The following AARS1 variants were observed in gnomAD, a reference collection of about 807,000 sequenced individuals.
AARS1 encodes alanine--tRNA ligase, cytoplasmic.
AARS1 carries 72 observed loss-of-function variants against 108.9 expected under a neutral mutation model. That is an observed-to-expected ratio of 0.66 (90% confidence interval 0.55 to 0.80). The LOEUF is 0.80. Among genes scored for constraint, AARS1 ranks in the 30% least tolerant of loss-of-function variants. The pLI, the probability that AARS1 is intolerant of heterozygous loss-of-function variation, is 0.00. For synonymous variants in AARS1, 489 were observed against 465.7 expected (o/e 1.05, Z -0.64); for missense variants, 1,193 against 1,233.2 (o/e 0.97, Z 0.49).
intron 1 of AARS1, among the ~76,000 whole-genome samples, chr16:70,287,550 C>A (rs888032460): frequency 1.3e-5 from 2 of 151,368 alleles, no homozygotes; most frequent in Non-Finnish European, 2.9e-5. Flanking sequence ...CCAGCCTGGG[C>A]AACATGGGAA....
rs868720668 is a variant in AARS1, at chr16:70,252,350, C to G, written c.*371G>C. 38 of 355,510 alleles carry G rather than the reference C, an allele frequency of 1.1e-4. No homozygotes were observed. The highest frequency in any genetic ancestry group is 1.9e-4 in the Non-Finnish European group (36 of 191,172). The allele number at this position is 355,510 out of a possible 1,614,324, so 22.0% of individuals were successfully genotyped here. On this transcript the variant is annotated 3_prime_UTR_variant, in exon 21 of 21. Transcript: ENST00000261772. Reference sequence around the variant, plus strand: ...CGCCAAAGGCTGTCAAAAGAGCCAGCCCCTATTGGGAAGAGGGATAGAGAT... The same window carrying G: ...CGCCAAAGGCTGTCAAAAGAGCCAGGCCCTATTGGGAAGAGGGATAGAGAT...
At chr16:70,269,001 G>C (rs748579040) in intron 7 of AARS1, among the ~76,000 whole-genome samples, 2 of 152,130 alleles carry the variant, frequency 1.3e-5, no homozygotes, top group African/African-American at 4.8e-5. Context: ...GAGGTCAGGA[G>C]TTCGAGACCA....
At position 70,262,523 on chromosome 16, in the gene AARS1, T is replaced by C. The variant is rs535856901; in HGVS notation, c.1494A>G (p.Val498=). Residue 498 remains valine (V), a splice_region_variant and synonymous_variant, in exon 12 of 21, where the codon GTA becomes GTG. Transcript: ENST00000261772. The part of the protein sequence containing the change: ...NYHLDSSGSY[V]FENTVATVMA... ...TCACCGTAGCCACTGTGTTCTCAAA[T>C]ACTGCTCAAGGGAAATGCATAGAAA... 8.1e-6 allele frequency: 13 copies of C among 1,610,922 alleles called. No homozygotes were observed. The highest frequency in any genetic ancestry group is 4.4e-5 in the South Asian group (4 of 91,010).
chr16:70,269,900 G>T, intron 6 of AARS1, 137 bp from the exon 7 acceptor site: 1 of 1,186,780 alleles, frequency 8.4e-7, no homozygotes, highest in Non-Finnish European at 1.2e-6. Flanking sequence ...CCCCAAGAAC[G>T]TGACATTGGG....
At chr16:70,264,935 G>A in intron 11 of AARS1, 23 bp downstream of exon 11, 1 of 1,614,018 alleles carries the variant, frequency 6.2e-7, no homozygotes, top group South Asian at 1.1e-5. Context: ...ATGCTCAGAT[G>A]TGGAAGGAGC....
chr16:70,279,319 C>T (rs1960632337), intron 2 of AARS1, among the ~76,000 whole-genome samples: 1 of 131,802 alleles, frequency 7.6e-6, no homozygotes, highest in South Asian at 2.6e-4. Flanking sequence ...TCACTGAATT[C>T]CAGCTGGGGT....
Position 70,289,497 on chromosome 16 carries a change from G to A in AARS1, c.-98C>T, listed in dbSNP as rs977713358. ...GCCCGCTGCACCTATTCCCGCAGAC[G>A]CGCAGCTGTACCGGCCTCAGACCAC... On this transcript the variant is annotated 5_prime_UTR_variant, in exon 1 of 21. Transcript: ENST00000261772. 35 of 446,714 alleles carry A rather than the reference G, an allele frequency of 7.8e-5. No individual in the cohort carries two copies. Among genetic ancestry groups the A allele is most frequent in the Non-Finnish European group, 1.4e-5 (3 of 221,344 alleles). The allele number at this position is 446,714 out of a possible 1,614,324, so 27.7% of individuals were successfully genotyped here.
At chr16:70,266,923 G>A (rs1277013772) in intron 9 of AARS1, among the ~76,000 whole-genome samples, 4 of 151,918 alleles carry the variant, frequency 2.6e-5, no homozygotes, top group Non-Finnish European at 4.4e-5. Context: ...TGCAACCTCC[G>A]CCTCCCCGGT....
intron 12 of AARS1, 107 bp downstream of exon 12, chr16:70,262,239 A>T: frequency 1.5e-6 from 2 of 1,353,776 alleles, no homozygotes; most frequent in Non-Finnish European, 2.1e-6. Flanking sequence ...CCCAACCCAA[A>T]GGTGTGTCAG....
chr16:70,277,233 A>T, intron 2 of AARS1, 79 bp from the exon 3 acceptor site: 1 of 1,357,978 alleles, frequency 7.4e-7, no homozygotes, highest in Non-Finnish European at 1.1e-6. Flanking sequence ...GGAAGAGACG[A>T]CCACACACTA....
intron 4 of AARS1, among the ~76,000 whole-genome samples, chr16:70,273,546 T>A (rs1358569055): frequency 1.3e-5 from 2 of 151,952 alleles, no homozygotes; most frequent in African/African-American, 4.8e-5. Context: ...AGCAAAACCC[T>A]GTCCCTACAA....
chr16:70,269,579 G>A (rs1489384298), intron 7 of AARS1, 39 bp downstream of exon 7: 5 of 1,611,366 alleles, frequency 3.1e-6, no homozygotes, highest in Non-Finnish European at 4.2e-6. Flanking sequence ...AGCACACGTG[G>A]TGCCGCTCCA....
chr16:70,264,857 G>A (rs763095857), intron 11 of AARS1, 101 bp downstream of exon 11: 23 of 1,463,656 alleles, frequency 1.6e-5, no homozygotes, highest in Admixed American at 5.4e-5. Flanking sequence ...AGGAGAGGCT[G>A]TCAGCAGTCT....
chr16:70,272,020 T>C (rs1345844259), intron 4 of AARS1, 48 bp from the exon 5 acceptor site: 5 of 1,584,992 alleles, frequency 3.2e-6, no homozygotes, highest in Admixed American at 1.7e-5. Flanking sequence ...TGACAAGAGT[T>C]CTGCCCAGAC....
Position 70,252,767 on chromosome 16 carries a change from A to T in AARS1, c.2861T>A (p.Leu954Gln). 6.2e-7 allele frequency: 1 copy of T among 1,614,188 alleles called. No individual in the cohort carries two copies. Among genetic ancestry groups the T allele is most frequent in the Non-Finnish European group, 8.5e-7 (1 of 1,180,036 alleles). The change falls in exon 21 of 21, where the codon CTG becomes CAG. Residue 954 changes from leucine to glutamine, a missense_variant. By Grantham distance (113) the Leu-to-Gln change is moderately radical. Coordinates refer to ENST00000261772, the MANE Select transcript of AARS1 (RefSeq NM_001605.3). ...GCGCAGCTGGGCGAAGGAAGTGGCC[A>T]GCTGCAGCGCCTCCTGCAGGCAGCC... is the stretch of plus-strand genomic sequence containing the variant. The part of the protein sequence containing the change: ...NVGCLQEALQ[L>Q]ATSFAQLRLG...
chr16:70,257,584 T>A (rs998045172), intron 15 of AARS1, among the ~76,000 whole-genome samples: 1 of 152,192 alleles, frequency 6.6e-6, no homozygotes, highest in East Asian at 1.9e-4. Flanking sequence ...CCACGTGGCC[T>A]GCTCGGGGGC....
rs548226036 is a variant in AARS1 at position 70,272,605 on chromosome 16, CAT to C, written c.480-635_480-634del. On this transcript the variant is annotated intron_variant, in intron 4 of 20. Transcript: ENST00000261772. Reference sequence around the variant, plus strand: ...AATAGAAGACAGTACAAAATATACACATGATATGCTCGAAACTCAATGAAAAT... The same window carrying C: ...AATAGAAGACAGTACAAAATATACACGATATGCTCGAAACTCAATGAAAAT... Among the ~76,000 whole-genome samples the C allele has an allele frequency of 5.0e-3, 734 of 145,960 alleles. 5 individuals carry two copies. The highest frequency in any genetic ancestry group is 6.7e-3 in the South Asian group (31 of 4,602).
chr16:70,282,305 G>C (rs984603461), intron 2 of AARS1, among the ~76,000 whole-genome samples: 1 of 125,598 alleles, frequency 8.0e-6, no homozygotes, highest in Non-Finnish European at 1.6e-5. Flanking sequence ...CTCCAGCCTG[G>C]ATGACAGAGC....
intron 5 of AARS1, among the ~76,000 whole-genome samples, 155 bp from the exon 6 acceptor site, chr16:70,270,495 G>C (rs1227650858): frequency 6.6e-6 from 1 of 152,086 alleles, no homozygotes; most frequent in Non-Finnish European, 1.5e-5. Flanking sequence ...GAGGGAGAAA[G>C]GAAGGAGAAA....
Sources: gnomAD v4.1 joint callset for allele counts (sites outside exome capture counted in the v4.1 genomes callset) on GRCh38, gnomAD v4.1.1 for gene constraint, MANE v1.5 for transcripts, NCBI Gene and HGNC (gene_info 2026-07-23, HGNC 2026-07-21) for gene names.